SH3GLB2: variants seen among roughly 807,000 people sequenced by gnomAD.
SH3GLB2 encodes endophilin-B2.
SH3GLB2 carries 24 observed loss-of-function variants against 48.0 expected under a neutral mutation model. That is an observed-to-expected ratio of 0.50 (90% CI 0.36 to 0.70). SH3GLB2 has a LOEUF of 0.70. SH3GLB2 is among the 30% of genes least tolerant of loss of function. The pLI is 0.00. For synonymous variants in SH3GLB2, 227 were observed against 207.6 expected (o/e 1.09, Z -0.80); for missense variants, 425 against 516.0 (o/e 0.82, Z 1.71).
intron 7 of SH3GLB2, 189 bp from the exon 8 acceptor site, chr9:129,010,398 A>G: frequency 1.6e-6 from 1 of 642,966 alleles, no homozygotes; most frequent in South Asian, 1.9e-5. Context: ...TCAGGACCCC[A>G]CAGGCAGCTG....
At chr9:129,020,683 TGGTG>T (rs1843733207) in intron 3 of SH3GLB2, among the ~76,000 whole-genome samples, 2 of 150,716 alleles carry the variant, frequency 1.3e-5, no homozygotes, top group Middle Eastern at 3.2e-3. Flanking sequence ...CTGGCTAACA[TGGTG>T]AAACCTCGTC....
intron 8 of SH3GLB2, 115 bp downstream of exon 8, chr9:129,010,005 C>T (rs773969408): frequency 1.5e-5 from 21 of 1,370,458 alleles, no homozygotes; most frequent in South Asian, 6.2e-5. Context: ...ACACCCTCCC[C>T]GGTGGGACTT....
Position 129,014,533 on chromosome 9 carries a change from C to A in SH3GLB2, c.469-30G>T. 1 of 1,547,170 alleles carries A rather than the reference C, an allele frequency of 6.5e-7. No homozygotes were observed. The highest frequency in any genetic ancestry group is 8.7e-7 in the Non-Finnish European group (1 of 1,143,030). On this transcript the variant is annotated intron_variant, in intron 4 of 10. Coordinates refer to ENST00000372564, the MANE Select transcript of SH3GLB2 (RefSeq NM_020145.4). This position sits in a 1 kb window ranked among gnomAD's most constrained non-coding sequence, Gnocchi z 4.1. ...AGGGCAGGGCATGGGGACAGTGAGA[C>A]CCTGGGCTGCCCTGGGAGACCCTGA...
chr9:129,012,392 G>C, intron 5 of SH3GLB2, 94 bp from the exon 6 acceptor site: 2 of 735,438 alleles, frequency 2.7e-6, no homozygotes, highest in Non-Finnish European at 3.8e-6. Flanking sequence ...TGCACAAGGA[G>C]ATGCCAAGAG....
Position 129,009,172 on chromosome 9 carries a change from G to C in SH3GLB2, c.1014C>G (p.Arg338=). Residue 338 remains arginine (R), a synonymous_variant, in exon 10 of 11, where the codon CGC becomes CGG. Transcript: ENST00000372564. The stretch of plus-strand genomic sequence containing the variant: ...CGTAGTCATAGAGCACCCGAGCTTT[G>C]CGGGTCCCACTGGCAGGGGGGGCCA... ...EEVAPPASGT[R]KARVLYDYEA... The C allele has an allele frequency of 6.2e-7, 1 of 1,612,064 alleles. No individual in the cohort carries two copies. Among genetic ancestry groups the C allele is most frequent in the Non-Finnish European group, 8.5e-7 (1 of 1,179,716 alleles).
rs1844282071 is a variant in SH3GLB2 at position 129,028,250 on chromosome 9, G to T, written c.-96C>A. ...ACCGCACCCCGCCCACCTGCTGCGG[G>T]GCACCAGCCCTCCGCGCACCCGCCT... On this transcript the variant is annotated 5_prime_UTR_variant, in exon 1 of 11. Transcript: ENST00000372564. The T allele has an allele frequency of 3.6e-6, 3 of 844,318 alleles. No individual in the cohort carries two copies. The highest frequency in any genetic ancestry group is 5.5e-4 in the Middle Eastern group (1 of 1,826). 52.3% of individuals were successfully genotyped at this position (844,318 alleles called of 1,614,324 possible). A position where few individuals can be genotyped will look rare whatever the true frequency, so the allele number is the denominator to read the frequency against.
At chr9:129,018,093 A>AT (rs1284400987) in intron 3 of SH3GLB2, among the ~76,000 whole-genome samples, 1 of 152,008 alleles carries the variant, frequency 6.6e-6, no homozygotes, top group Non-Finnish European at 1.5e-5. Flanking sequence ...CTCCATCTCA[A>AT]AATAATAATA....
intron 3 of SH3GLB2, among the ~76,000 whole-genome samples, chr9:129,019,415 A>T (rs1273701497): frequency 6.6e-6 from 1 of 150,692 alleles, no homozygotes; most frequent in East Asian, 2.0e-4. Context: ...ATAAAAAATA[A>T]ATAAGTTTGG....
At position 129,028,000 on chromosome 9, in the gene SH3GLB2, G is replaced by A. The variant is rs1844263558; in HGVS notation, c.63+92C>T. 9.7e-6 allele frequency: 12 copies of A among 1,239,372 alleles called. 1 individual carries two copies. In the South Asian group the frequency reaches 1.8e-4, roughly 19 times the overall value. 76.8% of individuals were successfully genotyped at this position (1,239,372 alleles called of 1,614,324 possible). ...GGGGACGAGGGCAGCAGCCCGGGAGGGCTTTCCCGCGTCCCCAGGCGTCTG... is the reference window on the plus strand; with the variant it reads ...GGGGACGAGGGCAGCAGCCCGGGAGAGCTTTCCCGCGTCCCCAGGCGTCTG... On this transcript the variant is annotated intron_variant, in intron 1 of 10. Coordinates refer to ENST00000372564, the MANE Select transcript of SH3GLB2 (RefSeq NM_020145.4).
At chr9:129,022,917 G>T (rs569914636) in intron 1 of SH3GLB2, among the ~76,000 whole-genome samples, 1 of 152,284 alleles carries the variant, frequency 6.6e-6, no homozygotes, top group South Asian at 2.1e-4. Flanking sequence ...CCAGGGTCGG[G>T]GTTCAGAAGG....
intron 6 of SH3GLB2, 68 bp from the exon 7 acceptor site, chr9:129,010,761 G>A: frequency 1.3e-6 from 2 of 1,594,904 alleles, no homozygotes; most frequent in South Asian, 2.2e-5. Flanking sequence ...CCTAGAGCCT[G>A]TGCCCTGCCC....
chr9:129,012,238 C>G lies in SH3GLB2; in HGVS notation c.622G>C (p.Ala208Pro). The G allele has an allele frequency of 7.7e-7, 1 of 1,290,720 alleles. No homozygotes were observed. Among genetic ancestry groups the G allele is most frequent in the African/African-American group, 1.5e-5 (1 of 66,022 alleles). The allele number at this position is 1,290,720 out of a possible 1,614,324, so 80.0% of individuals were successfully genotyped here. Reference sequence around the variant, plus strand: ...GGGTGGGGGTGGGGTGCGCTTACCGCGGAGGCGCTGGCCGAGAGAATGTAA... The same window carrying G: ...GGGTGGGGGTGGGGTGCGCTTACCGGGGAGGCGCTGGCCGAGAGAATGTAA... ...RNYILSASAS[A>P]LWNDEVDKAE... Residue 208 changes from alanine to proline, a missense_variant and splice_region_variant, in exon 6 of 11, where the codon GCG becomes CCG. By Grantham distance (27) the Ala-to-Pro change is conservative (BLOSUM62 -1). Coordinates refer to ENST00000372564, the MANE Select transcript of SH3GLB2 (RefSeq NM_020145.4).
rs1843144768 is a variant in SH3GLB2 at position 129,011,880 on chromosome 9, TCAGGGCCTCCC to T, written c.624+345_624+355del. On this transcript the variant is annotated intron_variant, in intron 6 of 10. Transcript: ENST00000372564. This position sits in a 1 kb window ranked among gnomAD's most constrained non-coding sequence, Gnocchi z 4.5. ...CACGGCCAGGCCTCCTCCTCTATCC[TCAGGGCCTCCC>T]CAGGGCCTGGCATTCAGAGACAGCA... The T allele has an allele frequency of 4.0e-6, 1 of 252,782 alleles. No individual in the cohort carries two copies. Among genetic ancestry groups the T allele is most frequent in the African/African-American group, 2.2e-5 (1 of 45,024 alleles). The allele number at this position is 252,782 out of a possible 1,614,324, so 15.7% of individuals were successfully genotyped here. A position where few individuals can be genotyped will look rare whatever the true frequency, so the allele number is the denominator to read the frequency against.
rs1232179459 is a variant in SH3GLB2, at chr9:129,014,103, G to C, written c.561+308C>G. On this transcript the variant is annotated intron_variant, in intron 5 of 10. Coordinates refer to ENST00000372564, the MANE Select transcript of SH3GLB2 (RefSeq NM_020145.4). This position sits in a 1 kb window ranked among gnomAD's most constrained non-coding sequence, Gnocchi z 4.1. ...CCCGGGCAGAGCCGGGGACAGAGCCGAGCATCTAGGAGGGCAGGGCAGGGC... is the reference window on the plus strand; with the variant it reads ...CCCGGGCAGAGCCGGGGACAGAGCCCAGCATCTAGGAGGGCAGGGCAGGGC... 4 of 603,588 alleles carry C rather than the reference G, an allele frequency of 6.6e-6. No individual in the cohort carries two copies. The highest frequency in any genetic ancestry group is 3.1e-5 in the South Asian group (2 of 65,072). 37.4% of individuals were successfully genotyped at this position (603,588 alleles called of 1,614,324 possible). A position where few individuals can be genotyped will look rare whatever the true frequency, so the allele number is the denominator to read the frequency against.
chr9:129,021,062 C>T, intron 3 of SH3GLB2, 29 bp downstream of exon 3: 1 of 1,547,544 alleles, frequency 6.5e-7, no homozygotes, highest in Non-Finnish European at 8.7e-7. Context: ...GACCATGACC[C>T]CTAGTCCCTG....
rs1348806889 is a variant in SH3GLB2 at position 129,007,506 on chromosome 9, C to CT, written c.*1177dup. 1 of 152,176 alleles carries CT rather than the reference C, an allele frequency of 6.6e-6. No individual in the cohort carries two copies. Among genetic ancestry groups the CT allele is most frequent in the African/African-American group, 2.4e-5 (1 of 41,442 alleles). The allele number at this position is 152,176 out of a possible 1,614,324, so 9.4% of individuals were successfully genotyped here. On this transcript the variant is annotated 3_prime_UTR_variant, in exon 11 of 11. Transcript: ENST00000372564. ...AGGACTGAAGTCAGAATGCTAGGTCCTGCTAGGGGCCATCTAAAACACAGA... is the reference window on the plus strand; with the variant it reads ...AGGACTGAAGTCAGAATGCTAGGTCCTTGCTAGGGGCCATCTAAAACACAGA...
At chr9:129,016,927 A>C (rs1043975049) in intron 3 of SH3GLB2, among the ~76,000 whole-genome samples, 6 of 150,590 alleles carry the variant, frequency 4.0e-5, no homozygotes, top group Admixed American at 6.6e-5. Context: ...CAACAGTAAT[A>C]GTTGGAAACT....
intron 2 of SH3GLB2, 57 bp downstream of exon 2, chr9:129,022,225 T>C (rs1303199728): frequency 1.3e-6 from 2 of 1,596,374 alleles, no homozygotes; most frequent in Non-Finnish European, 1.7e-6. Flanking sequence ...CCAGGCCTCC[T>C]ACTGTATCCC....
chr9:129,012,945 G>A (rs575846530), intron 5 of SH3GLB2: 38 of 1,548,934 alleles, frequency 2.5e-5, no homozygotes, highest in East Asian at 1.5e-4. Context: ...CCATGGCACC[G>A]TGGGTCCACG....
Sources: gnomAD v4.1 joint callset for allele counts (sites outside exome capture counted in the v4.1 genomes callset) on GRCh38, gnomAD v4.1.1 for gene constraint, Gnocchi (gnomAD v3.1) non-coding constraint, MANE v1.5 for transcripts, NCBI Gene and HGNC (gene_info 2026-07-23, HGNC 2026-07-21) for gene names.